CEP83: variants seen among roughly 807,000 people sequenced by gnomAD.
CEP83 encodes the protein centrosomal protein of 83 kDa.
Under a neutral mutation model 101.9 loss-of-function variants are expected in CEP83, and 70 were observed. That is an observed-to-expected ratio of 0.69 (90% confidence interval 0.57 to 0.84). The LOEUF (loss-of-function observed/expected upper bound fraction) is 0.84. Ranked by LOEUF, CEP83 falls within the 40% of genes least tolerant of loss-of-function variation. The pLI is 0.00. For synonymous variants in CEP83, 264 were observed against 267.9 expected, an observed-to-expected ratio of 0.99 and a Z score of 0.14; for missense variants, 715 against 787.2, an observed-to-expected ratio of 0.91 and a Z score of 1.10.
chr12:94,305,363 G>A, downstream of CEP83: 1 of 798,654 alleles, frequency 1.3e-6, no homozygotes, highest in Admixed American at 2.4e-5. Flanking sequence ...GCTACTCTGT[G>A]TCGTTAATTT....
downstream of CEP83, among the ~76,000 whole-genome samples, chr12:94,302,811 T>C (rs909905763): frequency 4.6e-5 from 7 of 152,216 alleles, no homozygotes; most frequent in Admixed American, 3.3e-4. Flanking sequence ...TGCAACTAGA[T>C]TGTAAGCTTC....
At chr12:94,451,564 A>G (rs551390904) in intron 1 of CEP83, among the ~76,000 whole-genome samples, 1 of 152,172 alleles carries the variant, frequency 6.6e-6, no homozygotes, top group African/African-American at 2.4e-5. Context: ...GGTGTCCAAC[A>G]TTACTGTGCA....
chr12:94,281,306 AAAG>A, the CEP83 span, among the ~76,000 whole-genome samples: 2 of 152,158 alleles, frequency 1.3e-5, no homozygotes, highest in Admixed American at 6.5e-5. Flanking sequence ...AAACCAAAAA[AAAG>A]AAATCCAACA....
At chr12:94,392,875 G>A (rs1349564921) in intron 6 of CEP83, among the ~76,000 whole-genome samples, 3 of 152,140 alleles carry the variant, frequency 2.0e-5, no homozygotes, top group Non-Finnish European at 2.9e-5. Flanking sequence ...GCAAAATCTA[G>A]GAGAAATGGA....
downstream of CEP83, among the ~76,000 whole-genome samples, chr12:94,302,323 T>A (rs17022386): frequency 6.6e-6 from 1 of 152,166 alleles, no homozygotes; most frequent in African/African-American, 2.4e-5. Context: ...CTTTCCTGTC[T>A]CACAGTCCCT....
intron 11 of CEP83, among the ~76,000 whole-genome samples, chr12:94,336,199 T>C (rs764758004): frequency 1.3e-5 from 2 of 152,206 alleles, no homozygotes; most frequent in African/African-American, 2.4e-5. Context: ...ATGGAGCTTT[T>C]CATCCCTGAG....
chr12:94,424,886 G>A (rs1027324166), intron 2 of CEP83: 1 of 1,600,144 alleles, frequency 6.2e-7, no homozygotes. Context: ...CATCTGCTGA[G>A]CCAATGACAC....
intron 6 of CEP83, among the ~76,000 whole-genome samples, chr12:94,380,670 G>C (rs2061799004): frequency 6.6e-6 from 1 of 152,172 alleles, no homozygotes; most frequent in Non-Finnish European, 1.5e-5. Flanking sequence ...AAGGTCAGGA[G>C]TCAATGTGTA....
chr12:94,339,476 G>T (rs900471526), intron 11 of CEP83, among the ~76,000 whole-genome samples: 2 of 152,120 alleles, frequency 1.3e-5, no homozygotes, highest in African/African-American at 4.8e-5. Context: ...TGTGACTGAA[G>T]AAACTGAATT....
intron 6 of CEP83, among the ~76,000 whole-genome samples, chr12:94,391,157 C>T (rs997104013): frequency 6.6e-6 from 1 of 152,100 alleles, no homozygotes. Flanking sequence ...AGAAGAGCAA[C>T]TCCAAGACAC....
chr12:94,353,778 G>T (rs1042123020), intron 11 of CEP83, among the ~76,000 whole-genome samples: 4 of 147,288 alleles, frequency 2.7e-5, no homozygotes, highest in African/African-American at 9.9e-5. Flanking sequence ...AAAATGAACA[G>T]AAGCAACTTA....
chr12:94,281,656 A>G, the CEP83 span, among the ~76,000 whole-genome samples: 35 of 152,312 alleles, frequency 2.3e-4, no homozygotes, highest in African/African-American at 8.4e-4. Flanking sequence ...CCTAGCCTCA[A>G]GTAATCCCCC....
chr12:94,444,514 GA>G (rs2066654711), intron 1 of CEP83, among the ~76,000 whole-genome samples: 1 of 152,172 alleles, frequency 6.6e-6, no homozygotes, highest in African/African-American at 2.4e-5. Flanking sequence ...CTAATTTTAG[GA>G]ATTAATCCTG....
chr12:94,403,919 T>G (rs2063395810), intron 4 of CEP83, among the ~76,000 whole-genome samples: 1 of 151,922 alleles, frequency 6.6e-6, no homozygotes, highest in African/African-American at 2.4e-5. Flanking sequence ...GCATGTATAT[T>G]AATTTCTATA....
rs1969321307 is a variant in CEP83, at chr12:94,308,503, T to C, written c.*310A>G. 1.5e-5 allele frequency: 3 copies of C among 205,008 alleles called. No homozygotes were observed. Among genetic ancestry groups the C allele is most frequent in the South Asian group, 9.1e-5 (1 of 11,032 alleles). 12.7% of individuals were successfully genotyped at this position (205,008 alleles called of 1,614,324 possible). The stretch of plus-strand genomic sequence containing the variant: ...AATGATAGTTATATTTCACTCAAAA[T>C]GCCAAAAAAAAAAATTCAACAAAGT... On this transcript the variant is annotated 3_prime_UTR_variant, in exon 17 of 17. Coordinates refer to ENST00000397809, the MANE Select transcript of CEP83 (RefSeq NM_016122.3).
At chr12:94,380,738 G>C (rs569604893) in intron 6 of CEP83, among the ~76,000 whole-genome samples, 22 of 152,250 alleles carry the variant, frequency 1.4e-4, no homozygotes, top group Non-Finnish European at 2.2e-4. Flanking sequence ...CAAATACTGA[G>C]CTAAGTGCTC....
the CEP83 span, among the ~76,000 whole-genome samples, chr12:94,275,267 T>C: frequency 6.6e-6 from 1 of 152,234 alleles, no homozygotes; most frequent in Non-Finnish European, 1.5e-5. Context: ...ACAAGGACTA[T>C]GTCATAACAT....
the CEP83 span, chr12:94,282,134 T>C: frequency 1.2e-4 from 20 of 172,732 alleles, no homozygotes; most frequent in Non-Finnish European, 1.8e-4. Context: ...ACAAACAAAG[T>C]AAAACAGAAC....
chr12:94,453,235 C>T (rs1041356758), intron 1 of CEP83, among the ~76,000 whole-genome samples: 4 of 152,162 alleles, frequency 2.6e-5, no homozygotes, highest in African/African-American at 9.7e-5. Flanking sequence ...CACTAGGAAC[C>T]TCATCTATAC....
Sources: allele counts gnomAD v4.1 joint callset (sites outside exome capture counted in the v4.1 genomes callset), GRCh38; gene constraint gnomAD v4.1.1; transcripts MANE v1.5; gene names NCBI Gene and HGNC (gene_info 2026-07-23, HGNC 2026-07-21).